PTPN14: variants seen among roughly 807,000 people sequenced by gnomAD.
PTPN14 encodes protein tyrosine phosphatase non-receptor type 14, also known as tyrosine-protein phosphatase non-receptor type 14.
PTPN14 carries 53 observed loss-of-function variants against 126.8 expected under a neutral mutation model. The ratio of observed to expected loss-of-function variants is 0.42; its 90% CI spans 0.34 to 0.53. The LOEUF (loss-of-function observed/expected upper bound fraction) is 0.53, where lower values mean the gene tolerates loss of function less well. Ranked by LOEUF, PTPN14 falls within the 20% of genes least tolerant of loss-of-function variation. PTPN14 has a pLI of 0.08. For missense variants in PTPN14, 1,257 were observed against 1,552.9 expected, an observed-to-expected ratio of 0.81 and a Z score of 3.20; for synonymous variants, 630 against 599.3, an observed-to-expected ratio of 1.05 and a Z score of -0.75.
At chr1:214,516,514 T>C (rs895940169) in intron 1 of PTPN14, among the ~76,000 whole-genome samples, 3 of 152,200 alleles carry the variant, frequency 2.0e-5, no homozygotes, top group Non-Finnish European at 2.9e-5. Context: ...GCAGACAGTT[T>C]ATTAAGATAT....
At chr1:214,505,369 T>C (rs1269705588) in intron 1 of PTPN14, among the ~76,000 whole-genome samples, 1 of 152,130 alleles carries the variant, frequency 6.6e-6, no homozygotes, top group Non-Finnish European at 1.5e-5. Context: ...GAGAAGGATC[T>C]GGTCAATGTC....
At chr1:214,421,039 A>T (rs572413522) in intron 3 of PTPN14, among the ~76,000 whole-genome samples, 6 of 152,360 alleles carry the variant, frequency 3.9e-5, no homozygotes, top group Non-Finnish European at 8.8e-5. Context: ...ATGATTCAGC[A>T]ATTATGCTCC....
At position 214,546,423 on chromosome 1, in the gene PTPN14, C is replaced by T. The variant is rs78870281; in HGVS notation, c.-155+4760G>A. ...GGAAATTAAGTAGAAATAAAGTACA[C>T]ATTTCATACGAAAATATGCATTAGG... On this transcript the variant is annotated intron_variant, in intron 1 of 18. Coordinates refer to ENST00000366956, the MANE Select transcript of PTPN14 (RefSeq NM_005401.5). 8.3e-3 allele frequency among the ~76,000 whole-genome samples: 1,263 copies of T among 152,298 alleles called. 18 individuals carry two copies. Among genetic ancestry groups the T allele is most frequent in the African/African-American group, 0.029 (1,185 of 41,550 alleles).
intron 1 of PTPN14, among the ~76,000 whole-genome samples, chr1:214,482,352 GAA>G (rs1181382994): frequency 6.6e-6 from 1 of 152,070 alleles, no homozygotes; most frequent in Non-Finnish European, 1.5e-5. Context: ...TAAACTAAGA[GAA>G]AAAAGTCATA....
intron 5 of PTPN14, among the ~76,000 whole-genome samples, chr1:214,409,465 T>G (rs912190849): frequency 6.6e-5 from 10 of 152,224 alleles, no homozygotes; most frequent in Non-Finnish European, 1.2e-4. Flanking sequence ...CCCATTGATC[T>G]GCTAGTGAGA....
At chr1:214,367,956 T>G (rs1658120744) in intron 17 of PTPN14, among the ~76,000 whole-genome samples, 1 of 152,204 alleles carries the variant, frequency 6.6e-6, no homozygotes, top group Admixed American at 6.5e-5. Context: ...ATACTGCACA[T>G]AATCTGGTGA....
chr1:214,490,091 C>A (rs1661197578), intron 1 of PTPN14, among the ~76,000 whole-genome samples: 1 of 152,200 alleles, frequency 6.6e-6, no homozygotes, highest in Admixed American at 6.5e-5. Context: ...TTGCTTTTTC[C>A]TCCAATCCCA....
At chr1:214,533,304 G>A in intron 1 of PTPN14, 2 of 578,058 alleles carry the variant, frequency 3.5e-6, no homozygotes, top group Non-Finnish European at 3.2e-6. Context: ...TGGAGGCTAG[G>A]GTCACCACCT....
chr1:214,382,410 T>C (rs1167250381), intron 13 of PTPN14, among the ~76,000 whole-genome samples: 1 of 152,166 alleles, frequency 6.6e-6, no homozygotes. Flanking sequence ...AAGCCTTGAA[T>C]TCCTGGGCTC....
At position 214,481,508 on chromosome 1, in the gene PTPN14, G is replaced by A. The variant is rs1254104015; in HGVS notation, c.-154-16551C>T. Among the ~76,000 whole-genome samples the A allele has an allele frequency of 2.5e-4, 4 of 15,936 alleles. No homozygotes were observed. In the Admixed American group the frequency reaches 2.7e-3, roughly 11 times the overall value. 10.5% of individuals were successfully genotyped at this position (15,936 alleles called of 152,430 possible). On this transcript the variant is annotated intron_variant, in intron 1 of 18. Transcript: ENST00000366956. The stretch of plus-strand genomic sequence containing the variant: ...CCTGGGAAACAAGCGCGAAACTCCC[G>A]CTCAAAAAAAAAAAAAAAAAAAAGA...
chr1:214,402,663 A>AGGG (rs1553262721), intron 6 of PTPN14, among the ~76,000 whole-genome samples: 1 of 2,010 alleles, frequency 5.0e-4, no homozygotes, highest in African/African-American at 6.3e-4. Flanking sequence ...GGAAGGAAGG[A>AGGG]AGGAAGGAAG....
chr1:214,466,562 G>C (rs965595905), intron 1 of PTPN14, among the ~76,000 whole-genome samples: 3 of 152,112 alleles, frequency 2.0e-5, no homozygotes, highest in African/African-American at 7.2e-5. Context: ...TGGCCTTATT[G>C]CTCCACCCTG....
In PTPN14 at chr1:214,386,935, A is replaced by C. The variant is rs1248693884; in HGVS notation, c.988-13T>G. On this transcript the variant is annotated splice_polypyrimidine_tract_variant and intron_variant, in intron 11 of 18. Transcript: ENST00000366956. Reference sequence around the variant, plus strand: ...GCTGCTGCCTGGGCTGAAACAGAGAACACAGAGGAGGTGGGGAGGCCTGGG... The same window carrying C: ...GCTGCTGCCTGGGCTGAAACAGAGACCACAGAGGAGGTGGGGAGGCCTGGG... The C allele has an allele frequency of 6.3e-7, 1 of 1,582,094 alleles. No individual in the cohort carries two copies. Among genetic ancestry groups the C allele is most frequent in the East Asian group, 2.2e-5 (1 of 44,506 alleles).
At chr1:214,498,608 C>CTTAATAATATAT (rs1466651160) in intron 1 of PTPN14, among the ~76,000 whole-genome samples, 1 of 152,110 alleles carries the variant, frequency 6.6e-6, no homozygotes, top group Non-Finnish European at 1.5e-5. Context: ...ATATACTTAA[C>CTTAATAATATAT]ATATTATTCT....
At chr1:214,492,113 T>A (rs758282276) in intron 1 of PTPN14, among the ~76,000 whole-genome samples, 4 of 152,062 alleles carry the variant, frequency 2.6e-5, no homozygotes, top group Non-Finnish European at 4.4e-5. Flanking sequence ...TTTTAAAATA[T>A]GATATTCATT....
chr1:214,364,738 A>AG lies in PTPN14; in HGVS notation c.3272-64dup. ...CCATGGCTTCGCATGTAAGTTGGGG[A>AG]GGGGGGAGCGGAAGAGAACTGATGG... On this transcript the variant is annotated intron_variant, in intron 17 of 18. Transcript: ENST00000366956. This position sits in a 1 kb window ranked among gnomAD's most constrained non-coding sequence, Gnocchi z 4.1. 10 of 1,436,922 alleles carry AG rather than the reference A, an allele frequency of 7.0e-6. No individual in the cohort carries two copies. Among genetic ancestry groups the AG allele is most frequent in the Non-Finnish European group, 7.5e-6 (8 of 1,069,838 alleles). The allele number at this position is 1,436,922 out of a possible 1,614,324, so 89.0% of individuals were successfully genotyped here. A position where few individuals can be genotyped will look rare whatever the true frequency, so the allele number is the denominator to read the frequency against.
chr1:214,398,095 T>C, intron 7 of PTPN14, 94 bp from the exon 8 acceptor site: 2 of 968,646 alleles, frequency 2.1e-6, no homozygotes, highest in South Asian at 1.5e-5. Flanking sequence ...TGAGTGTCCA[T>C]CCACAGATGA....
rs1430230112 is a variant in PTPN14 at position 214,490,930 on chromosome 1, GGAAA to G, written c.-154-25977_-154-25974del. ...GAAGGAAGGGAAGGAAAGAAAGGAA[GGAAA>G]GAAAGAAAGAAAAGAAAGAAAGGAA... is the stretch of plus-strand genomic sequence containing the variant. On this transcript the variant is annotated intron_variant, in intron 1 of 18. Transcript: ENST00000366956. Among the ~76,000 whole-genome samples, 89 of 88,496 alleles carry G rather than the reference GGAAA, an allele frequency of 1.0e-3. 1 individual carries two copies. The highest frequency in any genetic ancestry group is 3.7e-3 in the African/African-American group (81 of 22,142). 58.1% of individuals were successfully genotyped at this position (88,496 alleles called of 152,430 possible).
Position 214,434,943 on chromosome 1 carries a change from C to T in PTPN14, c.344+16862G>A, listed in dbSNP as rs552610334. 1.7e-4 allele frequency among the ~76,000 whole-genome samples: 26 copies of T among 152,258 alleles called. No individual in the cohort carries two copies. In the South Asian group the frequency reaches 2.5e-3, roughly 15 times the overall value. On this transcript the variant is annotated intron_variant, in intron 3 of 18. Transcript: ENST00000366956. ...AGGGATTCAATTTGATGATTTGTAACGCCCTTATCCTTACAAAATTCTGTT... is the reference window on the plus strand; with the variant it reads ...AGGGATTCAATTTGATGATTTGTAATGCCCTTATCCTTACAAAATTCTGTT...
Sources: gnomAD v4.1 joint callset for allele counts (sites outside exome capture counted in the v4.1 genomes callset) on GRCh38, gnomAD v4.1.1 for gene constraint, Gnocchi (gnomAD v3.1) non-coding constraint, MANE v1.5 for transcripts, NCBI Gene and HGNC (gene_info 2026-07-23, HGNC 2026-07-21) for gene names.